SOX5: variants seen among roughly 807,000 people sequenced by gnomAD.
SOX5 encodes transcription factor SOX-5.
A neutral mutation model predicts 92.0 loss-of-function variants in SOX5; 9 were observed. The ratio of observed to expected loss-of-function variants is 0.10; its 90% CI spans 0.06 to 0.17. SOX5 has a LOEUF of 0.17. Among genes scored for constraint, SOX5 ranks in the 10% least tolerant of loss-of-function variants. SOX5 has a pLI of 1.00. For synonymous variants in SOX5, 344 were observed against 336.3 expected, an observed-to-expected ratio of 1.02 and a Z score of -0.25; for missense variants, 642 against 944.5, an observed-to-expected ratio of 0.68 and a Z score of 4.20.
At chr12:24,205,907 A>T (rs1957973788) in intron 4 of SOX5, among the ~76,000 whole-genome samples, 1 of 152,202 alleles carries the variant, frequency 6.6e-6, no homozygotes, top group Non-Finnish European at 1.5e-5. Context: ...AGGGAAAAAT[A>T]AAAAGATGTT....
At position 24,215,893 on chromosome 12, in the gene SOX5, A is replaced by G. The variant is rs1476072284; in HGVS notation, c.-76-2476T>C. On this transcript the variant is annotated intron_variant, in intron 3 of 4. Transcript: ENST00000446891. ...TAATTAAGACATTAGTGGTACTGGTATAAGGATGCACATATAGATCTAATG... is the reference window on the plus strand; with the variant it reads ...TAATTAAGACATTAGTGGTACTGGTGTAAGGATGCACATATAGATCTAATG... 2.6e-5 allele frequency among the ~76,000 whole-genome samples: 4 copies of G among 152,324 alleles called. No individual in the cohort carries two copies. The East Asian group carries it at 5.8e-4, about 22-fold the overall frequency.
At chr12:24,245,557 G>A (rs925293852) in intron 3 of SOX5, among the ~76,000 whole-genome samples, 2 of 152,050 alleles carry the variant, frequency 1.3e-5, no homozygotes, top group African/African-American at 2.4e-5. Context: ...ATAGGCAGAC[G>A]GGGTAACACA....
chr12:23,768,935 A>T (rs1438308968), intron 3 of SOX5, among the ~76,000 whole-genome samples: 1 of 152,218 alleles, frequency 6.6e-6, no homozygotes, highest in African/African-American at 2.4e-5. Flanking sequence ...AACAAAAGAT[A>T]AATTACTTCG....
At chr12:23,596,472 T>C (rs1952477179) in intron 9 of SOX5, among the ~76,000 whole-genome samples, 1 of 152,194 alleles carries the variant, frequency 6.6e-6, no homozygotes, top group Admixed American at 6.5e-5. Context: ...GTAAGCAACA[T>C]ATATTTAATA....
chr12:23,743,080 G>A (rs539413642), intron 4 of SOX5, among the ~76,000 whole-genome samples: 1 of 152,174 alleles, frequency 6.6e-6, no homozygotes, highest in East Asian at 1.9e-4. Flanking sequence ...GTCATCCATG[G>A]TATTTTGTAA....
chr12:23,902,157 A>T (rs1167355247), intron 1 of SOX5, among the ~76,000 whole-genome samples: 2 of 150,378 alleles, frequency 1.3e-5, no homozygotes, highest in African/African-American at 4.8e-5. Flanking sequence ...TAAAAACTTT[A>T]AAAAAAACTT....
chr12:23,915,837 G>A (rs2097409070), intron 1 of SOX5, among the ~76,000 whole-genome samples: 1 of 152,162 alleles, frequency 6.6e-6, no homozygotes, highest in African/African-American at 2.4e-5. Context: ...ATAAACAGTG[G>A]TTCCCTCATT....
At chr12:23,564,908 C>T (rs1239751550) in intron 10 of SOX5, among the ~76,000 whole-genome samples, 2 of 152,174 alleles carry the variant, frequency 1.3e-5, no homozygotes, top group Admixed American at 1.3e-4. Flanking sequence ...AAACCGATGT[C>T]AGAAACTGAT....
intron 4 of SOX5, among the ~76,000 whole-genome samples, chr12:24,080,940 A>G (rs1326837535): frequency 2.6e-5 from 4 of 151,980 alleles, no homozygotes; most frequent in Non-Finnish European, 5.9e-5. Flanking sequence ...AACAAACTTT[A>G]AGGACAAATT....
chr12:24,199,475 G>A (rs1025355853), intron 4 of SOX5, among the ~76,000 whole-genome samples: 1 of 152,170 alleles, frequency 6.6e-6, no homozygotes, highest in Non-Finnish European at 1.5e-5. Context: ...GACTTCTAAT[G>A]AAAAGGGTGA....
intron 3 of SOX5, among the ~76,000 whole-genome samples, chr12:24,233,893 T>A (rs1427583901): frequency 6.6e-6 from 1 of 152,228 alleles, no homozygotes; most frequent in African/African-American, 2.4e-5. Flanking sequence ...AGATCAGAAC[T>A]TGTACCATGA....
intron 1 of SOX5, among the ~76,000 whole-genome samples, chr12:24,395,861 C>T (rs536653569): frequency 3.9e-5 from 6 of 152,268 alleles, no homozygotes; most frequent in Admixed American, 1.3e-4. Context: ...ACATCAAAGC[C>T]ATCAGTTCAA....
At chr12:23,648,928 AAT>A (rs1369512789) in intron 7 of SOX5, among the ~76,000 whole-genome samples, 1 of 152,198 alleles carries the variant, frequency 6.6e-6, no homozygotes, top group African/African-American at 2.4e-5. Context: ...AAATATATCC[AAT>A]ATGTCGACTA....
rs544792403 is a variant in SOX5, at chr12:23,904,399, T to C, written c.39-8375A>G. 2.6e-5 allele frequency among the ~76,000 whole-genome samples: 4 copies of C among 152,190 alleles called. No individual in the cohort carries two copies. The South Asian group carries it at 8.3e-4, about 32-fold the overall frequency. On this transcript the variant is annotated intron_variant, in intron 1 of 14. Transcript: ENST00000451604. ...GTTCATCAGGTCCTGGCATAAAATA[T>C]AAATTGAAGTAGAAACACAGATTTC...
At chr12:24,277,284 C>T (rs1359159617) in exon 3 of SOX5, 5 of 151,466 alleles carry the variant, frequency 3.3e-5, no homozygotes, top group African/African-American at 9.7e-5. Flanking sequence ...CAGATTCAAA[C>T]AGGAATCATG....
rs1216374871 is a variant in SOX5 at position 24,007,207 on chromosome 12, A to T, written c.-1-111183T>A. ...TATATAAATGTATATAAATGTATTT[A>T]TATATATAAATGTATATAAATGTAT... On this transcript the variant is annotated intron_variant, in intron 4 of 4. Transcript: ENST00000446891. 4.9e-4 allele frequency among the ~76,000 whole-genome samples: 18 copies of T among 36,930 alleles called. 1 individual carries two copies. In the South Asian group the frequency reaches 0.019, roughly 38 times the overall value. 24.2% of individuals were successfully genotyped at this position (36,930 alleles called of 152,430 possible).
chr12:23,562,537 C>T (rs1946391509), intron 11 of SOX5, among the ~76,000 whole-genome samples: 1 of 152,100 alleles, frequency 6.6e-6, no homozygotes, highest in African/African-American at 2.4e-5. Flanking sequence ...CTGTAAAGCG[C>T]ACTGGGTAAC....
chr12:24,302,159 A>T (rs1379555342), intron 2 of SOX5, among the ~76,000 whole-genome samples: 1 of 152,206 alleles, frequency 6.6e-6, no homozygotes, highest in East Asian at 1.9e-4. Flanking sequence ...GAAGATTCAG[A>T]CATGTCATAA....
intron 2 of SOX5, among the ~76,000 whole-genome samples, chr12:23,888,994 A>G (rs2097100997): frequency 6.6e-6 from 1 of 152,176 alleles, no homozygotes; most frequent in African/African-American, 2.4e-5. Context: ...TATACTGCCT[A>G]CTATCATAAT....
Sources: gnomAD v4.1 joint callset for allele counts (sites outside exome capture counted in the v4.1 genomes callset) on GRCh38, gnomAD v4.1.1 for gene constraint, MANE v1.5 for transcripts, NCBI Gene and HGNC (gene_info 2026-07-23, HGNC 2026-07-21) for gene names.